Variants in GALNT13 observed in about 807,000 individuals in gnomAD.
GALNT13 encodes polypeptide N-acetylgalactosaminyltransferase 13.
Under a neutral mutation model 64.2 loss-of-function variants are expected in GALNT13, and 28 were observed. That is an observed-to-expected ratio of 0.44 (90% CI 0.32 to 0.60). GALNT13 has a LOEUF of 0.60. Among genes scored for constraint, GALNT13 ranks in the 20% least tolerant of loss-of-function variants. The pLI is 0.05. For synonymous variants in GALNT13, 214 were observed against 224.6 expected, an observed-to-expected ratio of 0.95 and a Z score of 0.42; for missense variants, 577 against 669.8, an observed-to-expected ratio of 0.86 and a Z score of 1.53.
chr2:153,658,200 A>G, the GALNT13 span, among the ~76,000 whole-genome samples: 1 of 152,064 alleles, frequency 6.6e-6, no homozygotes, highest in African/African-American at 2.4e-5. Flanking sequence ...CTTCTGGCCA[A>G]GTTATCCTCT....
chr2:154,297,658 G>A (rs1420542079), intron 8 of GALNT13, among the ~76,000 whole-genome samples: 1 of 152,150 alleles, frequency 6.6e-6, no homozygotes, highest in Non-Finnish European at 1.5e-5. Context: ...CCAGGATTTT[G>A]TTATGGCAGC....
chr2:154,094,002 CTG>C (rs1320000176), intron 3 of GALNT13, among the ~76,000 whole-genome samples: 1 of 151,834 alleles, frequency 6.6e-6, no homozygotes, highest in African/African-American at 2.4e-5. Flanking sequence ...TATTTCCTAT[CTG>C]TGGAGACTGT....
chr2:153,251,775 C>A, the GALNT13 span, among the ~76,000 whole-genome samples: 1 of 151,908 alleles, frequency 6.6e-6, no homozygotes, highest in Non-Finnish European at 1.5e-5. Context: ...CCAATTTCAT[C>A]CATGTCCCTA....
chr2:153,781,389 G>A, the GALNT13 span, among the ~76,000 whole-genome samples: 1 of 152,128 alleles, frequency 6.6e-6, no homozygotes, highest in African/African-American at 2.4e-5. Flanking sequence ...ATAAGAAAAT[G>A]CGCTTACATA....
intron 3 of GALNT13, 47 bp from the exon 4 acceptor site, chr2:154,140,290 T>C (rs1683185184): frequency 7.2e-7 from 1 of 1,395,370 alleles, no homozygotes; most frequent in African/African-American, 1.4e-5. Context: ...ATTCAGTTCA[T>C]TATCTGTGTG....
At chr2:153,800,909 A>G in the GALNT13 span, among the ~76,000 whole-genome samples, 7 of 152,274 alleles carry the variant, frequency 4.6e-5, no homozygotes, top group East Asian at 1.4e-3. Flanking sequence ...TTTACAAATT[A>G]TTTTAGCTAT....
At chr2:154,303,029 C>A (rs914039220) in intron 9 of GALNT13, among the ~76,000 whole-genome samples, 3 of 152,100 alleles carry the variant, frequency 2.0e-5, no homozygotes, top group African/African-American at 7.2e-5. Flanking sequence ...CCTTCTTTAT[C>A]TGTCATATGT....
At chr2:153,313,309 A>G in the GALNT13 span, among the ~76,000 whole-genome samples, 1 of 152,232 alleles carries the variant, frequency 6.6e-6, no homozygotes, top group Non-Finnish European at 1.5e-5. Context: ...AATGTCCATC[A>G]ATGGCAGCAT....
chr2:153,633,674 T>G, the GALNT13 span, among the ~76,000 whole-genome samples: 1 of 152,182 alleles, frequency 6.6e-6, no homozygotes, highest in Non-Finnish European at 1.5e-5. Flanking sequence ...AGTGGCTAGC[T>G]AAGGTGTCCA....
intron 3 of GALNT13, among the ~76,000 whole-genome samples, chr2:154,024,857 A>G (rs1258973647): frequency 6.6e-6 from 1 of 152,002 alleles, no homozygotes; most frequent in Admixed American, 6.6e-5. Flanking sequence ...ATGGTGACAT[A>G]CTGATGGGTT....
chr2:153,441,433 T>A, the GALNT13 span, among the ~76,000 whole-genome samples: 9 of 152,232 alleles, frequency 5.9e-5, no homozygotes, highest in African/African-American at 2.2e-4. Flanking sequence ...CTATACACAC[T>A]GTTATTTGGC....
intron 3 of GALNT13, among the ~76,000 whole-genome samples, chr2:153,963,729 CTCTG>C (rs1226819420): frequency 0.038 from 4,392 of 116,824 alleles, 59 homozygotes; most frequent in Middle Eastern, 0.084. Context: ...CTCTCTCTCT[CTCTG>C]TGTGTGTGTG....
At chr2:154,023,089 G>T (rs1172364487) in intron 3 of GALNT13, among the ~76,000 whole-genome samples, 1 of 152,110 alleles carries the variant, frequency 6.6e-6, no homozygotes. Flanking sequence ...TTTTACATTT[G>T]CTGAGGAGTG....
At chr2:153,564,053 T>C in the GALNT13 span, among the ~76,000 whole-genome samples, 4 of 152,078 alleles carry the variant, frequency 2.6e-5, no homozygotes, top group South Asian at 8.3e-4. Context: ...TATCAAAGAG[T>C]GCTCCTTTCT....
chr2:153,211,134 C>CTTTTTTTTTT, the GALNT13 span, among the ~76,000 whole-genome samples: 1 of 147,652 alleles, frequency 6.8e-6, no homozygotes, highest in Non-Finnish European at 1.5e-5. Flanking sequence ...ATTGACAAAC[C>CTTTTTTTTTT]TTTTTTTTTT....
chr2:153,564,125 A>T, the GALNT13 span, among the ~76,000 whole-genome samples: 1 of 152,080 alleles, frequency 6.6e-6, no homozygotes, highest in African/African-American at 2.4e-5. Context: ...GACACCACCA[A>T]CTTCTATTCT....
chr2:153,673,690 T>C, the GALNT13 span, among the ~76,000 whole-genome samples: 7 of 152,266 alleles, frequency 4.6e-5, no homozygotes, highest in Non-Finnish European at 7.4e-5. Flanking sequence ...CAACATAGTG[T>C]TGGAAGTTCT....
intron 12 of GALNT13, 49 bp downstream of exon 12, chr2:154,438,775 A>G (rs1368101784): frequency 1.4e-6 from 2 of 1,411,406 alleles, no homozygotes; most frequent in South Asian, 1.3e-5. Context: ...AAGCTCAGTT[A>G]TATATTTCAA....
the GALNT13 span, among the ~76,000 whole-genome samples, chr2:153,818,572 G>A: frequency 6.6e-6 from 1 of 152,136 alleles, no homozygotes; most frequent in Non-Finnish European, 1.5e-5. Flanking sequence ...TAGTGACTCT[G>A]CCCCTGCCGG....
Sources: allele counts gnomAD v4.1 joint callset (sites outside exome capture counted in the v4.1 genomes callset), GRCh38; gene constraint gnomAD v4.1.1; transcripts MANE v1.5; gene names NCBI Gene and HGNC (gene_info 2026-07-23, HGNC 2026-07-21).